The following MECOM variants were observed in gnomAD, a reference collection of about 807,000 sequenced individuals.
MECOM encodes the protein MDS1 and EVI1 complex locus.
In MECOM, 13 loss-of-function variants were observed where a neutral mutation model predicts 116.3. That is an observed-to-expected ratio of 0.11 (90% CI 0.07 to 0.18). The LOEUF (loss-of-function observed/expected upper bound fraction) is 0.18. Ranked by LOEUF, MECOM falls within the 10% of genes least tolerant of loss-of-function variation. The pLI is 1.00. For synonymous variants in MECOM, 528 were observed against 535.2 expected, an observed-to-expected ratio of 0.99 and a Z score of 0.19; for missense variants, 1,299 against 1,509.0, an observed-to-expected ratio of 0.86 and a Z score of 2.31.
intron 2 of MECOM, among the ~76,000 whole-genome samples, chr3:169,235,213 C>T (rs879822421): frequency 5.2e-4 from 79 of 152,072 alleles, no homozygotes; most frequent in Admixed American, 2.0e-4. Flanking sequence ...CTAATGTGCT[C>T]TATGAGAAAA....
chr3:169,519,374 A>T (rs1202864863), intron 1 of MECOM, among the ~76,000 whole-genome samples: 1 of 152,234 alleles, frequency 6.6e-6, no homozygotes, highest in Non-Finnish European at 1.5e-5. Flanking sequence ...TGTATCAAAG[A>T]TATATGAACT....
chr3:169,495,580 T>C (rs1753713302), intron 1 of MECOM, among the ~76,000 whole-genome samples: 1 of 152,194 alleles, frequency 6.6e-6, no homozygotes, highest in Admixed American at 6.5e-5. Context: ...AGAAGTACTA[T>C]TCATAACACC....
chr3:169,616,652 A>G (rs375755475), intron 1 of MECOM, among the ~76,000 whole-genome samples: 1 of 151,972 alleles, frequency 6.6e-6, no homozygotes, highest in South Asian at 2.1e-4. Context: ...TTTATTCCTT[A>G]TAGTTGAAAA....
intron 2 of MECOM, among the ~76,000 whole-genome samples, chr3:169,150,702 T>C (rs928724045): frequency 6.6e-6 from 1 of 152,216 alleles, no homozygotes; most frequent in Non-Finnish European, 1.5e-5. Flanking sequence ...AAAACATTTT[T>C]CCAGAAGGAA....
In MECOM at chr3:169,115,771, G is replaced by A. The variant is rs1408347935; in HGVS notation, c.2101C>T (p.Pro701Ser). The part of the protein sequence containing the change: ...YPSMFPLPFF[P>S]AFSQSMYPFP... ...GGGTACATTGATTGAGAGAATGCTGGAAAAAATGGGAGGGGAAACATGGAA... is the reference window on the plus strand; with the variant it reads ...GGGTACATTGATTGAGAGAATGCTGAAAAAAATGGGAGGGGAAACATGGAA... The change falls in exon 8 of 17, where the codon CCA becomes TCA. Residue 701 changes from proline to serine, a missense_variant. By Grantham distance (74) the Pro-to-Ser change is moderately conservative. Coordinates refer to ENST00000651503, the MANE Select transcript of MECOM (RefSeq NM_004991.4). The A allele has an allele frequency of 6.2e-7, 1 of 1,613,996 alleles. No homozygotes were observed. The highest frequency in any genetic ancestry group is 8.5e-7 in the Non-Finnish European group (1 of 1,179,986).
chr3:169,663,012 C>T (rs1287834271), intron 1 of MECOM, among the ~76,000 whole-genome samples: 1 of 138,390 alleles, frequency 7.2e-6, no homozygotes, highest in African/African-American at 2.7e-5. Flanking sequence ...CACCCCTTCG[C>T]GCTCACTCTC....
chr3:169,373,781 A>T (rs1290790), intron 2 of MECOM, among the ~76,000 whole-genome samples: 68,192 of 151,818 alleles, frequency 0.45, 15,792 homozygotes, highest in Middle Eastern at 0.56. Flanking sequence ...TGGATTATAC[A>T]TGTCTGAATT....
chr3:169,092,892 C>T lies in MECOM; in HGVS notation c.3164+66G>A. 5 of 1,592,122 alleles carry T rather than the reference C, an allele frequency of 3.1e-6. No homozygotes were observed. In the South Asian group the frequency reaches 4.4e-5, roughly 14 times the overall value. On this transcript the variant is annotated intron_variant, in intron 14 of 16. Coordinates refer to ENST00000651503, the MANE Select transcript of MECOM (RefSeq NM_004991.4). ...AGTAGTGCCACAAAAGTGAGCATAG[C>T]AAGTATATTTTAAAACATGTTCATT... is the stretch of plus-strand genomic sequence containing the variant.
chr3:169,109,049 T>G (rs981033757), intron 9 of MECOM, among the ~76,000 whole-genome samples: 1 of 152,154 alleles, frequency 6.6e-6, no homozygotes, highest in Non-Finnish European at 1.5e-5. Context: ...AATTGCAAAA[T>G]GACTTCCATG....
chr3:169,486,039 A>G (rs111685457), intron 1 of MECOM, among the ~76,000 whole-genome samples: 2 of 132,616 alleles, frequency 1.5e-5, no homozygotes, highest in African/African-American at 2.9e-5. Context: ...ATATATATAT[A>G]TGTATATATA....
At chr3:169,603,134 A>G (rs557310293) in intron 1 of MECOM, among the ~76,000 whole-genome samples, 35 of 152,366 alleles carry the variant, frequency 2.3e-4, no homozygotes, top group Non-Finnish European at 4.4e-4. Context: ...CACATATAAA[A>G]CAATGGTCCC....
intron 16 of MECOM, among the ~76,000 whole-genome samples, chr3:169,087,421 A>T (rs1047751590): frequency 6.6e-6 from 1 of 151,838 alleles, no homozygotes; most frequent in African/African-American, 2.4e-5. Context: ...ACATAGTGAA[A>T]CCCCATCTCT....
intron 1 of MECOM, among the ~76,000 whole-genome samples, chr3:169,634,098 C>T (rs1772431286): frequency 6.6e-6 from 1 of 152,038 alleles, no homozygotes; most frequent in Admixed American, 6.5e-5. Context: ...CTGAGATGCT[C>T]CTGAACCATT....
chr3:169,147,791 A>T, intron 2 of MECOM: 129 of 683,934 alleles, frequency 1.9e-4, no homozygotes, highest in South Asian at 2.1e-4. Context: ...GGGGGATGGG[A>T]GGGATGGGGA....
chr3:169,127,746 T>C, intron 5 of MECOM, 98 bp downstream of exon 5: 3 of 959,608 alleles, frequency 3.1e-6, no homozygotes, highest in Non-Finnish European at 5.0e-6. Flanking sequence ...TCCAGCTCAC[T>C]GGAGTTCCAA....
At chr3:169,246,853 A>G (rs751518516) in intron 2 of MECOM, among the ~76,000 whole-genome samples, 1 of 152,040 alleles carries the variant, frequency 6.6e-6, no homozygotes, top group Non-Finnish European at 1.5e-5. Flanking sequence ...CTCTCCTCTC[A>G]TGTATTTGTT....
chr3:169,337,354 C>A (rs900710543), intron 2 of MECOM, among the ~76,000 whole-genome samples: 1 of 152,138 alleles, frequency 6.6e-6, no homozygotes. Flanking sequence ...TAGAATGAGA[C>A]CTCTCAGACC....
chr3:169,484,330 G>C (rs543918554), intron 1 of MECOM, among the ~76,000 whole-genome samples: 32 of 151,982 alleles, frequency 2.1e-4, no homozygotes, highest in Non-Finnish European at 2.4e-4. Context: ...AGAAAATATT[G>C]GTTAGAAGAA....
intron 2 of MECOM, among the ~76,000 whole-genome samples, chr3:169,359,654 A>G (rs1035934036): frequency 6.6e-6 from 1 of 151,776 alleles, no homozygotes; most frequent in Non-Finnish European, 1.5e-5. Flanking sequence ...CTATAGAATG[A>G]ATATCTTCAA....
Sources: gnomAD v4.1 joint callset for allele counts (sites outside exome capture counted in the v4.1 genomes callset) on GRCh38, gnomAD v4.1.1 for gene constraint, MANE v1.5 for transcripts, NCBI Gene and HGNC (gene_info 2026-07-23, HGNC 2026-07-21) for gene names.